The following MAML3 variants were observed in gnomAD, a reference collection of about 807,000 sequenced individuals.
MAML3 encodes the protein mastermind-like protein 3.
MAML3 carries 27 observed loss-of-function variants against 101.9 expected under a neutral mutation model. The observed-to-expected ratio is 0.27, with a 90% CI of 0.20 to 0.37. The LOEUF (loss-of-function observed/expected upper bound fraction) is 0.37, where lower values mean the gene tolerates loss of function less well. Among genes scored for constraint, MAML3 ranks in the 10% least tolerant of loss-of-function variants. The pLI, the probability that MAML3 is intolerant of heterozygous loss-of-function variation, is 1.00. For missense variants in MAML3, 1,316 were observed against 1,444.9 expected (o/e 0.91, Z 1.45); for synonymous variants, 501 against 555.9 (o/e 0.90, Z 1.39).
At chr4:140,000,137 G>A (rs553466765) in intron 1 of MAML3, among the ~76,000 whole-genome samples, 12 of 152,158 alleles carry the variant, frequency 7.9e-5, no homozygotes, top group Admixed American at 2.6e-4. Context: ...GCAAGCATCT[G>A]ATTGAGATGT....
At chr4:140,002,686 G>T (rs1734945254) in intron 1 of MAML3, among the ~76,000 whole-genome samples, 1 of 152,164 alleles carries the variant, frequency 6.6e-6, no homozygotes, top group South Asian at 2.1e-4. Flanking sequence ...TTATGTGGCT[G>T]CCCTCAAGGA....
chr4:140,052,273 T>C lies in MAML3; in HGVS notation c.468+100587A>G, dbSNP rs1210520001. Among the ~76,000 whole-genome samples the C allele has an allele frequency of 2.0e-5, 3 of 152,192 alleles. No homozygotes were observed. In the South Asian group the frequency reaches 6.2e-4, roughly 32 times the overall value. On this transcript the variant is annotated intron_variant, in intron 1 of 4. Coordinates refer to ENST00000509479, the MANE Select transcript of MAML3 (RefSeq NM_018717.5). ...AAAAGCAGCTATACTGGCTCTCCAC[T>C]GAGACACGGATCCACAAGGTGGAGC...
rs535707903 is a variant in MAML3 at position 140,080,382 on chromosome 4, G to A, written c.468+72478C>T. On this transcript the variant is annotated intron_variant, in intron 1 of 4. Transcript: ENST00000509479. ...ACTCAAAGCATGGTGTCTGGACTTG[G>A]TTCTCATCCTTTAAACGGTAATGTT... is the stretch of plus-strand genomic sequence containing the variant. Among the ~76,000 whole-genome samples the A allele has an allele frequency of 2.5e-4, 38 of 152,300 alleles. No individual in the cohort carries two copies. The South Asian group carries it at 7.7e-3, about 31-fold the overall frequency.
intron 1 of MAML3, among the ~76,000 whole-genome samples, chr4:139,930,737 T>C (rs995933667): frequency 6.6e-6 from 1 of 152,168 alleles, no homozygotes; most frequent in Non-Finnish European, 1.5e-5. Context: ...TAGTCCCTTT[T>C]TCTTATGTTT....
intron 1 of MAML3, among the ~76,000 whole-genome samples, chr4:140,018,747 C>T (rs891695230): frequency 1.3e-5 from 2 of 152,080 alleles, no homozygotes; most frequent in Non-Finnish European, 2.9e-5. Context: ...AATAAATGGG[C>T]TTAGTTTAAT....
intron 2 of MAML3, among the ~76,000 whole-genome samples, chr4:139,796,750 C>T (rs1730516111): frequency 6.6e-6 from 1 of 151,810 alleles, no homozygotes; most frequent in Non-Finnish European, 1.5e-5. Context: ...CCAGCAATTG[C>T]AAAAAGGTTA....
intron 1 of MAML3, among the ~76,000 whole-genome samples, chr4:140,066,877 G>A (rs969176409): frequency 5.9e-5 from 9 of 152,226 alleles, no homozygotes; most frequent in African/African-American, 2.4e-5. Context: ...TCTGTGTTGA[G>A]AGATGAACTG....
chr4:139,993,683 C>A (rs757640921), intron 1 of MAML3, among the ~76,000 whole-genome samples: 5 of 151,888 alleles, frequency 3.3e-5, no homozygotes, highest in African/African-American at 4.8e-5. Flanking sequence ...AAAAAATTAA[C>A]TGGGTGTGGT....
chr4:140,063,603 T>C (rs932201561), intron 1 of MAML3, among the ~76,000 whole-genome samples: 4 of 152,180 alleles, frequency 2.6e-5, no homozygotes, highest in Non-Finnish European at 5.9e-5. Flanking sequence ...TTTTATAGCT[T>C]GCTTTGGGGT....
intron 2 of MAML3, among the ~76,000 whole-genome samples, chr4:139,857,290 C>T (rs1306188122): frequency 6.6e-6 from 1 of 152,084 alleles, no homozygotes; most frequent in East Asian, 1.9e-4. Flanking sequence ...CTAGAGGGCT[C>T]AAATACATCC....
chr4:139,953,974 T>C (rs2110762978), intron 1 of MAML3, among the ~76,000 whole-genome samples: 1 of 152,332 alleles, frequency 6.6e-6, no homozygotes, highest in South Asian at 2.1e-4. Context: ...ACCACACACC[T>C]TCATAAAAAG....
intron 1 of MAML3, among the ~76,000 whole-genome samples, chr4:139,930,276 G>C (rs920473546): frequency 1.3e-5 from 2 of 152,188 alleles, no homozygotes; most frequent in Non-Finnish European, 2.9e-5. Context: ...GTTCACAACA[G>C]ATGCTAAAAA....
rs11929902 is a variant in MAML3 at position 140,072,900 on chromosome 4, T to A, written c.468+79960A>T. Among the ~76,000 whole-genome samples the A allele has an allele frequency of 7.5e-3, 1,149 of 152,238 alleles. 13 individuals carry two copies. The highest frequency in any genetic ancestry group is 0.026 in the African/African-American group (1,074 of 41,536). ...GTTGCCACTTCTTTGTCACTTCTTC[T>A]GGGCTAACACAGAAGATGTAAAAAG... On this transcript the variant is annotated intron_variant, in intron 1 of 4. Coordinates refer to ENST00000509479, the MANE Select transcript of MAML3 (RefSeq NM_018717.5).
At chr4:140,015,192 G>C (rs984533448) in intron 1 of MAML3, among the ~76,000 whole-genome samples, 1 of 151,988 alleles carries the variant, frequency 6.6e-6, no homozygotes, top group African/African-American at 2.4e-5. Context: ...TTACAACACA[G>C]AAGTATTGTC....
chr4:139,846,334 G>A (rs1240993852), intron 2 of MAML3, among the ~76,000 whole-genome samples: 18 of 151,954 alleles, frequency 1.2e-4, no homozygotes, highest in Non-Finnish European at 2.1e-4. Flanking sequence ...TATATTTAAA[G>A]ATGTATTTTA....
chr4:140,058,863 T>A (rs1022989421), intron 1 of MAML3, among the ~76,000 whole-genome samples: 1 of 152,066 alleles, frequency 6.6e-6, no homozygotes, highest in Non-Finnish European at 1.5e-5. Flanking sequence ...GAACAGAGAA[T>A]AAAGGAAGAA....
At chr4:139,977,894 CA>C (rs368816851) in intron 1 of MAML3, among the ~76,000 whole-genome samples, 35 of 142,614 alleles carry the variant, frequency 2.5e-4, no homozygotes, top group African/African-American at 5.6e-4. Flanking sequence ...AAACAAAAAA[CA>C]AAAAAAAAAC....
At chr4:139,732,572 C>T (rs573758211) in intron 2 of MAML3, among the ~76,000 whole-genome samples, 9 of 41,572 alleles carry the variant, frequency 2.2e-4, no homozygotes, top group South Asian at 2.8e-3. Context: ...AGAACTAGAA[C>T]GCTATTTTTT....
chr4:139,795,177 C>T (rs1384693662), intron 2 of MAML3, among the ~76,000 whole-genome samples: 3 of 152,178 alleles, frequency 2.0e-5, no homozygotes, highest in Non-Finnish European at 4.4e-5. Flanking sequence ...AACTGTCTAA[C>T]TTGAAATTTC....
Sources: gnomAD v4.1 joint callset for allele counts (sites outside exome capture counted in the v4.1 genomes callset) on GRCh38, gnomAD v4.1.1 for gene constraint, MANE v1.5 for transcripts, NCBI Gene and HGNC (gene_info 2026-07-23, HGNC 2026-07-21) for gene names.